FRMD4A: variants seen among roughly 807,000 people sequenced by gnomAD.
The protein encoded by FRMD4A is FERM domain containing 4A, also known as FERM domain-containing protein 4A.
Under a neutral mutation model 129.1 loss-of-function variants are expected in FRMD4A, and 29 were observed. The observed-to-expected ratio is 0.22, with a 90% CI of 0.17 to 0.31. The LOEUF (loss-of-function observed/expected upper bound fraction) is 0.31. FRMD4A is among the 10% of genes least tolerant of loss of function. The probability of loss-of-function intolerance (pLI) is 1.00; values close to 1 mark genes in which losing one functional copy is unlikely to be tolerated. For missense variants in FRMD4A, 1,272 were observed against 1,375.8 expected (o/e 0.92, Z 1.19); for synonymous variants, 634 against 571.6 (o/e 1.11, Z -1.56).
intron 2 of FRMD4A, among the ~76,000 whole-genome samples, chr10:13,991,350 G>A (rs1371779186): frequency 6.6e-6 from 1 of 152,208 alleles, no homozygotes; most frequent in Non-Finnish European, 1.5e-5. Context: ...TCATCCCCCA[G>A]GCATAGCTGC....
At chr10:13,818,851 C>G (rs1372164689) in intron 3 of FRMD4A, among the ~76,000 whole-genome samples, 1 of 152,172 alleles carries the variant, frequency 6.6e-6, no homozygotes, top group Non-Finnish European at 1.5e-5. Context: ...TATGGCCAGG[C>G]ACGGTGGCTC....
intron 4 of FRMD4A, among the ~76,000 whole-genome samples, chr10:13,807,254 GAGTT>G (rs771326417): frequency 5.9e-5 from 9 of 152,190 alleles, no homozygotes; most frequent in Non-Finnish European, 1.0e-4. Flanking sequence ...TCTGAGGACA[GAGTT>G]AGTAAAAATA....
intron 2 of FRMD4A, among the ~76,000 whole-genome samples, chr10:14,278,261 T>C (rs964425048): frequency 2.0e-5 from 3 of 152,148 alleles, no homozygotes; most frequent in Non-Finnish European, 4.4e-5. Flanking sequence ...GCTGAGGGCA[T>C]AACTGATTTC....
At chr10:14,127,365 A>T (rs1451829972) in intron 2 of FRMD4A, among the ~76,000 whole-genome samples, 5 of 152,080 alleles carry the variant, frequency 3.3e-5, no homozygotes, top group Non-Finnish European at 7.4e-5. Context: ...TTCTTTTGTG[A>T]AAACTAGTTT....
At chr10:14,113,462 A>C (rs1388199428) in intron 2 of FRMD4A, among the ~76,000 whole-genome samples, 4 of 152,220 alleles carry the variant, frequency 2.6e-5, no homozygotes, top group Non-Finnish European at 5.9e-5. Flanking sequence ...AAAGTATAGA[A>C]TGCATAGAAC....
chr10:13,775,919 G>A (rs1486315673), intron 6 of FRMD4A, among the ~76,000 whole-genome samples: 1 of 152,196 alleles, frequency 6.6e-6, no homozygotes, highest in Non-Finnish European at 1.5e-5. Context: ...AGCAAGGCAA[G>A]TATTCCCTTT....
chr10:13,861,750 A>G (rs1291800869), intron 2 of FRMD4A, among the ~76,000 whole-genome samples: 2 of 152,244 alleles, frequency 1.3e-5, no homozygotes, highest in Non-Finnish European at 2.9e-5. Context: ...ATTAGAATCC[A>G]TCAACCTTGC....
chr10:14,287,138 C>T (rs1026249032), intron 2 of FRMD4A, among the ~76,000 whole-genome samples: 13 of 107,266 alleles, frequency 1.2e-4, no homozygotes, highest in Non-Finnish European at 2.2e-4. Context: ...TTTGACAGGC[C>T]CCCCGCTCCG....
chr10:14,189,505 C>T (rs956044530), intron 2 of FRMD4A, among the ~76,000 whole-genome samples: 1 of 151,928 alleles, frequency 6.6e-6, no homozygotes, highest in Admixed American at 6.5e-5. Flanking sequence ...ACCTGGGAGG[C>T]GGAGGTTGCA....
chr10:14,038,683 T>C (rs1833620945), intron 2 of FRMD4A, among the ~76,000 whole-genome samples: 1 of 152,188 alleles, frequency 6.6e-6, no homozygotes, highest in African/African-American at 2.4e-5. Context: ...GGGCAGGCAA[T>C]AAAGGTCCTC....
intron 2 of FRMD4A, among the ~76,000 whole-genome samples, chr10:14,085,539 G>T (rs1057075238): frequency 6.6e-6 from 1 of 152,174 alleles, no homozygotes; most frequent in African/African-American, 2.4e-5. Context: ...GAGACGGAAC[G>T]GGTCTCAGAA....
chr10:13,955,253 G>T (rs765972090), intron 2 of FRMD4A, among the ~76,000 whole-genome samples: 39 of 151,974 alleles, frequency 2.6e-4, no homozygotes, highest in African/African-American at 9.2e-4. Flanking sequence ...GACTACAGGC[G>T]CTCACCACCA....
chr10:13,809,544 T>A (rs1480233796), intron 4 of FRMD4A, among the ~76,000 whole-genome samples: 1 of 152,178 alleles, frequency 6.6e-6, no homozygotes, highest in Non-Finnish European at 1.5e-5. Context: ...GCTGGGTCCT[T>A]CCCCGCACAG....
intron 2 of FRMD4A, among the ~76,000 whole-genome samples, chr10:14,150,178 G>A (rs1025537285): frequency 2.0e-5 from 3 of 152,130 alleles, no homozygotes; most frequent in African/African-American, 7.2e-5. Flanking sequence ...CAACACTGGG[G>A]ATTACAATTC....
chr10:14,128,747 T>A (rs1365444315), intron 2 of FRMD4A, among the ~76,000 whole-genome samples: 1 of 152,186 alleles, frequency 6.6e-6, no homozygotes, highest in Non-Finnish European at 1.5e-5. Context: ...GCATATTAAA[T>A]ACCTTCATCT....
In FRMD4A at chr10:13,806,179, G is replaced by A. The variant is rs79885131; in HGVS notation, c.206+4635C>T. Among the ~76,000 whole-genome samples the A allele has an allele frequency of 4.8e-3, 735 of 152,000 alleles. 9 individuals carry two copies. The highest frequency in any genetic ancestry group is 0.017 in the African/African-American group (710 of 41,470). ...TTTTTTTGTTTTGTGGTAGAGATGGGGGTCTTGCTATTGCCCAGGCTCGTC... is the reference window on the plus strand; with the variant it reads ...TTTTTTTGTTTTGTGGTAGAGATGGAGGTCTTGCTATTGCCCAGGCTCGTC... On this transcript the variant is annotated intron_variant, in intron 4 of 24. Coordinates refer to ENST00000357447, the MANE Select transcript of FRMD4A (RefSeq NM_018027.5).
chr10:14,261,274 T>G (rs1417672666), intron 2 of FRMD4A, among the ~76,000 whole-genome samples: 1 of 152,246 alleles, frequency 6.6e-6, no homozygotes. Context: ...TATTTGCTTA[T>G]GTGCTTGATT....
intron 6 of FRMD4A, among the ~76,000 whole-genome samples, chr10:13,765,551 A>T (rs1366238885): frequency 6.6e-6 from 1 of 152,178 alleles, no homozygotes; most frequent in Non-Finnish European, 1.5e-5. Context: ...GGAATTTCAC[A>T]GTTGGATACT....
At chr10:13,841,485 G>A (rs543027189) in intron 3 of FRMD4A, among the ~76,000 whole-genome samples, 1 of 152,298 alleles carries the variant, frequency 6.6e-6, no homozygotes, top group South Asian at 2.1e-4. Flanking sequence ...CTCTAGGGAG[G>A]AGAAGGAGAC....
Sources: gnomAD v4.1 joint callset for allele counts (sites outside exome capture counted in the v4.1 genomes callset) on GRCh38, gnomAD v4.1.1 for gene constraint, MANE v1.5 for transcripts, NCBI Gene and HGNC (gene_info 2026-07-23, HGNC 2026-07-21) for gene names.